C3: variants seen among roughly 807,000 people sequenced by gnomAD.
C3 encodes the protein C3 and PZP-like alpha-2-macroglobulin domain-containing protein 1.
A neutral mutation model predicts 207.9 loss-of-function variants in C3; 97 were observed. That is an observed-to-expected ratio of 0.47 (90% CI 0.40 to 0.55). The LOEUF is 0.55. Among genes scored for constraint, C3 ranks in the 20% least tolerant of loss-of-function variants. The pLI, the probability that C3 is intolerant of heterozygous loss-of-function variation, is 0.00. For synonymous variants in C3, 848 were observed against 857.6 expected, an observed-to-expected ratio of 0.99 and a Z score of 0.20; for missense variants, 1,684 against 2,171.7, an observed-to-expected ratio of 0.78 and a Z score of 4.46.
Position 6,693,096 on chromosome 19 carries a change from C to G in C3, c.3231-13G>C, listed in dbSNP as rs762289151. 1.2e-6 allele frequency: 2 copies of G among 1,613,660 alleles called. No homozygotes were observed. The highest frequency in any genetic ancestry group is 2.7e-5 in the African/African-American group (2 of 74,932). ...GTAGGCGGTCAGCCTGGAGTGGGCA[C>G]AGAGCATGAGCCAATCGGCTCTGAG... On this transcript the variant is annotated splice_polypyrimidine_tract_variant and intron_variant, in intron 25 of 40. Transcript: ENST00000245907.
Position 6,684,391 on chromosome 19 carries a change from G to C in C3, c.4169C>G (p.Thr1390Ser). The C allele has an allele frequency of 6.2e-7, 1 of 1,613,578 alleles. No homozygotes were observed. The highest frequency in any genetic ancestry group is 1.3e-5 in the African/African-American group (1 of 75,038). ...AKNTMILEICTRYRGDQDATM... is the reference protein window; with the variant it reads ...AKNTMILEICSRYRGDQDATM... ...CCCCGGTGACCTAGCTTCTTACCTGGTACAGATCTCAAGGATCATAGTGTT... is the reference window on the plus strand; with the variant it reads ...CCCCGGTGACCTAGCTTCTTACCTGCTACAGATCTCAAGGATCATAGTGTT... The change falls in exon 33 of 41, where the codon ACC (threonine) becomes AGC (serine). Residue 1390 changes from threonine to serine, a missense_variant. Thr to Ser is a moderately conservative substitution (Grantham distance 58, BLOSUM62 1). Around this residue, in one of 3 missense-constraint regions of C3, gnomAD observed 346 missense variants for 380.1 expected, o/e 0.91. Coordinates refer to ENST00000245907, the MANE Select transcript of C3 (RefSeq NM_000064.4).
At chr19:6,710,335 A>T (rs1245123608) in intron 13 of C3, among the ~76,000 whole-genome samples, 1 of 114,966 alleles carries the variant, frequency 8.7e-6, no homozygotes, top group South Asian at 3.8e-4. Context: ...GAGAGAGAAA[A>T]GGAGAGAGAG....
At chr19:6,696,235 A>G (rs972104537) in intron 23 of C3, 144 bp downstream of exon 23, 2 of 632,724 alleles carry the variant, frequency 3.2e-6, no homozygotes, top group Non-Finnish European at 5.6e-6. Context: ...AAAAAATGTA[A>G]AAGAGGGAAA....
chr19:6,708,049 C>A, intron 14 of C3, 120 bp from the exon 15 acceptor site: 1 of 1,122,748 alleles, frequency 8.9e-7, no homozygotes, highest in East Asian at 2.4e-5. Flanking sequence ...CTCATCTCCC[C>A]CATTCCTGCT....
chr19:6,696,577 C>G lies in C3; in HGVS notation c.2863+16G>C. The G allele has an allele frequency of 6.2e-7, 1 of 1,613,646 alleles. No individual in the cohort carries two copies. Among genetic ancestry groups the G allele is most frequent in the Non-Finnish European group, 8.5e-7 (1 of 1,179,598 alleles). On this transcript the variant is annotated intron_variant, in intron 22 of 40. Transcript: ENST00000245907. ...CCCTGCCAGCCCCTCAGCCCCTCCC[C>G]CTGCAGCCGACTCACCACGGCCCAG...
chr19:6,707,566 T>C lies in C3; in HGVS notation c.1976-29A>G, dbSNP rs771103719. ...CAGGGCAGGCGGACCGAGAAGAAGA[T>C]GGATGAGGCACCTACTAGGTGTCCT... On this transcript the variant is annotated intron_variant, in intron 15 of 40. Transcript: ENST00000245907. 1.7e-5 allele frequency: 28 copies of C among 1,612,202 alleles called. No homozygotes were observed. In the East Asian group the frequency reaches 3.1e-4, roughly 18 times the overall value.
rs564999387 is a variant in C3 at position 6,707,781 on chromosome 19, C to T, written c.1975+19G>A. 3 of 1,612,512 alleles carry T rather than the reference C, an allele frequency of 1.9e-6. No homozygotes were observed. The highest frequency in any genetic ancestry group is 4.5e-5 in the East Asian group (2 of 44,874). ...GAGGTGCTGTCTGTCCCTGCACCGG[C>T]CCCTGGTGGCGACCTCACCTGCCCT... On this transcript the variant is annotated intron_variant, in intron 15 of 40. Coordinates refer to ENST00000245907, the MANE Select transcript of C3 (RefSeq NM_000064.4).
chr19:6,718,873 G>A (rs1382069120), intron 2 of C3, among the ~76,000 whole-genome samples: 4 of 137,844 alleles, frequency 2.9e-5, no homozygotes, highest in Non-Finnish European at 4.7e-5. Flanking sequence ...AGGAACCTCA[G>A]AAGGGGTGGG....
chr19:6,718,574 G>T (rs1349985632), intron 2 of C3, among the ~76,000 whole-genome samples, 162 bp from the exon 3 acceptor site: 4 of 151,894 alleles, frequency 2.6e-5, no homozygotes, highest in Non-Finnish European at 4.4e-5. Context: ...GGTGCGAGGG[G>T]AGAGGGGGGA....
At chr19:6,720,419 C>T in intron 1 of C3, 97 bp downstream of exon 1, 11 of 874,768 alleles carry the variant, frequency 1.3e-5, no homozygotes, top group Non-Finnish European at 1.9e-5. Context: ...CCACAAACAC[C>T]CAAATGCACC....
intron 4 of C3, among the ~76,000 whole-genome samples, chr19:6,715,604 A>G (rs1968012654): frequency 6.6e-6 from 1 of 151,062 alleles, no homozygotes; most frequent in South Asian, 2.1e-4. Context: ...ACATATAAAA[A>G]TCTGTTTTTT....
intron 26 of C3, among the ~76,000 whole-genome samples, chr19:6,691,273 G>A (rs536313493): frequency 4.7e-4 from 72 of 152,134 alleles, no homozygotes; most frequent in African/African-American, 1.7e-3. Context: ...GGCTGGTCCC[G>A]AACTCCTGAC....
rs1967972854 is a variant in C3, at chr19:6,713,779, C to T, written c.773+213G>A. ...CCCAGCCCCCACCTGACTCCACCCC[C>T]CAGCCCCCCACCTGGTCCCACCCCC... On this transcript the variant is annotated intron_variant, in intron 7 of 40. Coordinates refer to ENST00000245907, the MANE Select transcript of C3 (RefSeq NM_000064.4). 31 of 306,686 alleles carry T rather than the reference C, an allele frequency of 1.0e-4. 1 individual carries two copies. The highest frequency in any genetic ancestry group is 7.1e-4 in the South Asian group (31 of 43,848). 19.0% of individuals were successfully genotyped at this position (306,686 alleles called of 1,614,324 possible). A position where few individuals can be genotyped will look rare whatever the true frequency, so the allele number is the denominator to read the frequency against.
chr19:6,719,547 C>T lies in C3; in HGVS notation c.75-144G>A. 1.6e-5 allele frequency: 11 copies of T among 703,832 alleles called. 1 individual carries two copies. The South Asian group carries it at 1.9e-4, about 12-fold the overall frequency. The allele number at this position is 703,832 out of a possible 1,614,324, so 43.6% of individuals were successfully genotyped here. ...GTGACTGCCGGCGCACTTGCCAATG[C>T]CATTATCTTCTCTGGGCACTGCCAC... On this transcript the variant is annotated intron_variant, in intron 1 of 40. Transcript: ENST00000245907. The surrounding 1 kb of genome is among the most constrained non-coding windows in gnomAD (Gnocchi z 5.4).
rs1917878750 is a variant in C3 at position 6,682,074 on chromosome 19, C to G, written c.4261-44G>C. On this transcript the variant is annotated intron_variant, in intron 34 of 40. Transcript: ENST00000245907. ...TGTGAAAAATCCCTCCTGGACCCCT[C>G]TCTCCCTGCAGCCTCTTCCAGAACC... is the stretch of plus-strand genomic sequence containing the variant. 5 of 1,604,230 alleles carry G rather than the reference C, an allele frequency of 3.1e-6. No homozygotes were observed. The South Asian group carries it at 4.4e-5, about 14-fold the overall frequency.
chr19:6,710,776 G>C lies in C3; in HGVS notation c.1549C>G (p.Leu517Val). Residue 517 changes from leucine to valine, a missense_variant, in exon 13 of 41, where the codon CTG becomes GTG. Transcript: ENST00000245907. ...AAGTCGGTGGTGATGGACAGGGGCA[G>C]CACCACCAGGTCCTGGCCGGGCTCT... ...VREPGQDLVV[L>V]PLSITTDFIP... is the part of the protein sequence containing the mutation. 1.2e-6 allele frequency: 2 copies of C among 1,613,846 alleles called. No individual in the cohort carries two copies. The highest frequency in any genetic ancestry group is 1.7e-6 in the Non-Finnish European group (2 of 1,179,968).
intron 9 of C3, 72 bp from the exon 10 acceptor site, chr19:6,712,695 C>A (rs922990631): frequency 3.1e-6 from 4 of 1,275,882 alleles, no homozygotes; most frequent in Non-Finnish European, 4.6e-6. Context: ...TCAGAATGGA[C>A]CCCAACTTCA....
chr19:6,702,248 C>A, intron 18 of C3, 36 bp from the exon 19 acceptor site: 3 of 1,336,036 alleles, frequency 2.2e-6, no homozygotes, highest in South Asian at 2.3e-5. Flanking sequence ...TAGGAGATGT[C>A]ATCTAGCAGG....
At chr19:6,688,324 G>T (rs1346632611) in intron 27 of C3, among the ~76,000 whole-genome samples, 2 of 152,054 alleles carry the variant, frequency 1.3e-5, no homozygotes, top group African/African-American at 4.8e-5. Flanking sequence ...AGTAGAGACG[G>T]GGTTTTGCCA....
Sources: gnomAD v4.1 joint callset for allele counts (sites outside exome capture counted in the v4.1 genomes callset) on GRCh38, gnomAD v4.1.1 for gene constraint, gnomAD v4.1.1 regional missense constraint, Gnocchi (gnomAD v3.1) non-coding constraint, MANE v1.5 for transcripts, NCBI Gene and HGNC (gene_info 2026-07-23, HGNC 2026-07-21) for gene names.